VAPB: variants seen among roughly 807,000 people sequenced by gnomAD.
VAPB encodes the protein VAMP associated protein B and C.
VAPB carries 7 observed loss-of-function variants against 25.6 expected under a neutral mutation model. The ratio of observed to expected loss-of-function variants is 0.27; its 90% confidence interval spans 0.16 to 0.51. The LOEUF is 0.51. VAPB is among the 20% of genes least tolerant of loss of function. The probability of loss-of-function intolerance (pLI) is 0.97; values close to 1 mark genes in which losing one functional copy is unlikely to be tolerated. For synonymous variants in VAPB, 112 were observed against 109.2 expected (o/e 1.03, Z -0.16); for missense variants, 266 against 301.3 (o/e 0.88, Z 0.87).
intron 1 of VAPB, among the ~76,000 whole-genome samples, chr20:58,393,741 G>GTT (rs534640471): frequency 3.8e-5 from 5 of 132,876 alleles, no homozygotes; most frequent in Non-Finnish European, 6.6e-5. Flanking sequence ...GTTTTGTTTT[G>GTT]TTTTTTTTGA....
rs1025941446 is a variant in VAPB, at chr20:58,450,250, C to G, written c.*6015C>G. 1 of 451,950 alleles carries G rather than the reference C, an allele frequency of 2.2e-6. No individual in the cohort carries two copies. The highest frequency in any genetic ancestry group is 4.4e-6 in the Non-Finnish European group (1 of 225,356). The allele number at this position is 451,950 out of a possible 1,614,324, so 28.0% of individuals were successfully genotyped here. A position where few individuals can be genotyped will look rare whatever the true frequency, so the allele number is the denominator to read the frequency against. ...TTCCATTGCATCTTTTATGTGAATT[C>G]AAAGGTCAGAATTTATTGTCTGTGA... On this transcript the variant is annotated 3_prime_UTR_variant, in exon 6 of 6. Coordinates refer to ENST00000475243, the MANE Select transcript of VAPB (RefSeq NM_004738.5).
At chr20:58,429,320 C>T (rs1326576336) in intron 2 of VAPB, among the ~76,000 whole-genome samples, 2 of 152,152 alleles carry the variant, frequency 1.3e-5, no homozygotes, top group Admixed American at 1.3e-4. Flanking sequence ...CTCCTCAGTC[C>T]TCCGCTTTTG....
chr20:58,412,020 T>G (rs994826641), intron 1 of VAPB, among the ~76,000 whole-genome samples: 5 of 152,252 alleles, frequency 3.3e-5, no homozygotes, highest in Non-Finnish European at 7.3e-5. Flanking sequence ...CTTTGTATAG[T>G]TTGGTTGACA....
At chr20:58,402,300 C>G (rs932710156) in intron 1 of VAPB, among the ~76,000 whole-genome samples, 11 of 152,162 alleles carry the variant, frequency 7.2e-5, no homozygotes, top group African/African-American at 2.2e-4. Context: ...ATGACTTACC[C>G]TGTATGTAGT....
intron 2 of VAPB, among the ~76,000 whole-genome samples, chr20:58,425,460 C>T (rs188774638): frequency 0.018 from 2,799 of 152,214 alleles, 40 homozygotes; most frequent in Non-Finnish European, 0.027. Flanking sequence ...TGTTAGCTAA[C>T]GCAAAAAATG....
chr20:58,447,127 C>T lies in VAPB; in HGVS notation c.*2892C>T, dbSNP rs1293361438. 1.1e-5 allele frequency: 5 copies of T among 453,940 alleles called. No individual in the cohort carries two copies. The highest frequency in any genetic ancestry group is 3.1e-5 in the South Asian group (2 of 64,476). 28.1% of individuals were successfully genotyped at this position (453,940 alleles called of 1,614,324 possible). A position where few individuals can be genotyped will look rare whatever the true frequency, so the allele number is the denominator to read the frequency against. ...TGGCTCCACAGCACCTCAGAGAGGG[C>T]GGCCCTGGCTTCAGAAATGCCAGCC... On this transcript the variant is annotated 3_prime_UTR_variant, in exon 6 of 6. Transcript: ENST00000475243.
At position 58,444,090 on chromosome 20, in the gene VAPB, T is replaced by C. The variant is rs1252954619; in HGVS notation, c.587T>C (p.Leu196Pro). 10 of 1,614,232 alleles carry C rather than the reference T, an allele frequency of 6.2e-6. No homozygotes were observed. Among genetic ancestry groups the C allele is most frequent in the Non-Finnish European group, 8.5e-6 (10 of 1,180,038 alleles). ...ENKQFKEEDG[L>P]RMRKTVQSNS... ...TTGCTCCCGTAGGAAGAAGATGGAC[T>C]GCGGATGAGGAAGACAGTGCAGAGC... The change falls in exon 6 of 6, where the codon CTG becomes CCG. Residue 196 changes from leucine to proline, a missense_variant. By Grantham distance (98) the Leu-to-Pro change is moderately conservative. This residue lies in a region of VAPB where 136 missense variants were observed against 130.7 expected (regional missense o/e 1.04). Transcript: ENST00000475243.
intron 4 of VAPB, 49 bp downstream of exon 4, chr20:58,439,074 T>TA: frequency 6.6e-7 from 1 of 1,517,454 alleles, no homozygotes; most frequent in Non-Finnish European, 9.1e-7. Flanking sequence ...AGCTGATACT[T>TA]ATTTGCATAC....
chr20:58,443,979 C>G, intron 5 of VAPB, 98 bp from the exon 6 acceptor site: 1 of 1,568,766 alleles, frequency 6.4e-7, no homozygotes, highest in Non-Finnish European at 8.8e-7. Context: ...TCATGTCATC[C>G]AACACTGGGC....
chr20:58,409,337 C>CA (rs1464458681), intron 1 of VAPB, among the ~76,000 whole-genome samples: 1 of 152,124 alleles, frequency 6.6e-6, no homozygotes, highest in Non-Finnish European at 1.5e-5. Context: ...AATAGACTGT[C>CA]AAAGGGTAAA....
chr20:58,414,474 G>A (rs1449637522), intron 1 of VAPB, among the ~76,000 whole-genome samples: 2 of 151,680 alleles, frequency 1.3e-5, no homozygotes, highest in African/African-American at 2.4e-5. Context: ...CAGACGGGGC[G>A]GTTGCCGGGC....
Position 58,418,281 on chromosome 20 carries a change from G to T in VAPB, c.129G>T (p.Lys43Asn). 1.2e-6 allele frequency: 2 copies of T among 1,614,172 alleles called. No homozygotes were observed. The highest frequency in any genetic ancestry group is 1.7e-6 in the Non-Finnish European group (2 of 1,180,040). ...CGACAGACCGAAATGTGTGTTTTAA[G>T]GTGAAGACTACAGCACCACGTAGGT... is the stretch of plus-strand genomic sequence containing the variant. Reference protein sequence around the residue: ...GNPTDRNVCFKVKTTAPRRYC... With the variant: ...GNPTDRNVCFNVKTTAPRRYC... The change falls in exon 2 of 6, where the codon AAG becomes AAT. Residue 43 changes from lysine (K) to asparagine (N), a missense_variant. By Grantham distance (94) the Lys-to-Asn change is moderately conservative. Transcript: ENST00000475243.
Position 58,418,820 on chromosome 20 carries a change from G to A in VAPB, c.211+457G>A, listed in dbSNP as rs1036561672. Reference sequence around the variant, plus strand: ...AAGCTCATACCATTTCCAGTGATTGGCCACTGCACTTTACTGATTGTGAAA... The same window carrying A: ...AAGCTCATACCATTTCCAGTGATTGACCACTGCACTTTACTGATTGTGAAA... On this transcript the variant is annotated intron_variant, in intron 2 of 5. Transcript: ENST00000475243. Among the ~76,000 whole-genome samples, 4 of 152,098 alleles carry A rather than the reference G, an allele frequency of 2.6e-5. No homozygotes were observed. In the South Asian group the frequency reaches 6.2e-4, roughly 24 times the overall value.
At chr20:58,401,428 C>A (rs937867026) in intron 1 of VAPB, among the ~76,000 whole-genome samples, 1 of 152,146 alleles carries the variant, frequency 6.6e-6, no homozygotes, top group African/African-American at 2.4e-5. Flanking sequence ...CACTTCTAGT[C>A]ACTGCCCGGG....
At chr20:58,392,166 A>G (rs1023683616) in intron 1 of VAPB, among the ~76,000 whole-genome samples, 8 of 152,222 alleles carry the variant, frequency 5.3e-5, no homozygotes, top group South Asian at 2.1e-4. Context: ...TATTCGGTCA[A>G]TGGGGATGAT....
Position 58,448,618 on chromosome 20 carries a change from A to C in VAPB, c.*4383A>C. 1 of 454,080 alleles carries C rather than the reference A, an allele frequency of 2.2e-6. No individual in the cohort carries two copies. The highest frequency in any genetic ancestry group is 1.6e-5 in the South Asian group (1 of 64,468). The allele number at this position is 454,080 out of a possible 1,614,324, so 28.1% of individuals were successfully genotyped here. ...TCTGAAAATCTGCTTCAGGGAAGTG[A>C]GTGGATGAGGCCTTCCTGCCTCAGC... On this transcript the variant is annotated 3_prime_UTR_variant, in exon 6 of 6. Transcript: ENST00000475243.
chr20:58,423,752 T>C (rs950059924), intron 2 of VAPB, among the ~76,000 whole-genome samples: 2 of 152,238 alleles, frequency 1.3e-5, no homozygotes, highest in African/African-American at 4.8e-5. Flanking sequence ...CTTTGTTTGA[T>C]TGTTTGCTTT....
chr20:58,400,305 A>G (rs560150782), intron 1 of VAPB, among the ~76,000 whole-genome samples: 2 of 152,286 alleles, frequency 1.3e-5, no homozygotes, highest in East Asian at 3.9e-4. Context: ...AGTTTATTTT[A>G]GCTGAAGAAG....
At chr20:58,401,112 C>A (rs1364566442) in intron 1 of VAPB, among the ~76,000 whole-genome samples, 1 of 152,206 alleles carries the variant, frequency 6.6e-6, no homozygotes, top group Non-Finnish European at 1.5e-5. Context: ...AATCCAGAGA[C>A]CACTTGGTCG....
Sources: allele counts gnomAD v4.1 joint callset (sites outside exome capture counted in the v4.1 genomes callset), GRCh38; gene constraint gnomAD v4.1.1; regional missense constraint gnomAD v4.1.1; transcripts MANE v1.5; gene names NCBI Gene and HGNC (gene_info 2026-07-23, HGNC 2026-07-21).